NRXN2: variants seen among roughly 807,000 people sequenced by gnomAD.
The protein encoded by NRXN2 is neurexin 2, also known as neurexin-2-beta.
A neutral mutation model predicts 128.8 loss-of-function variants in NRXN2; 29 were observed. That is an observed-to-expected ratio of 0.23 (90% CI 0.17 to 0.31). The LOEUF (loss-of-function observed/expected upper bound fraction) is 0.31, where lower values mean the gene tolerates loss of function less well. Ranked by LOEUF, NRXN2 falls within the 10% of genes least tolerant of loss-of-function variation. The pLI is 1.00. For missense variants in NRXN2, 1,881 were observed against 2,452.6 expected (o/e 0.77, Z 4.92); for synonymous variants, 1,098 against 1,075.2 (o/e 1.02, Z -0.41).
At chr11:64,719,100 C>T (rs571718001) in intron 1 of NRXN2, among the ~76,000 whole-genome samples, 79 of 152,150 alleles carry the variant, frequency 5.2e-4, no homozygotes, top group African/African-American at 1.9e-3. Context: ...CATAGACTAA[C>T]GTGTGAAAAA....
chr11:64,648,679 G>C lies in NRXN2; in HGVS notation c.3283+55C>G. 1 of 1,605,192 alleles carries C rather than the reference G, an allele frequency of 6.2e-7. No homozygotes were observed. Among genetic ancestry groups the C allele is most frequent in the Non-Finnish European group, 8.5e-7 (1 of 1,173,628 alleles). On this transcript the variant is annotated intron_variant, in intron 16 of 22. Coordinates refer to ENST00000265459, the MANE Select transcript of NRXN2 (RefSeq NM_015080.4). This position sits in a 1 kb window ranked among gnomAD's most constrained non-coding sequence, Gnocchi z 4.1. ...CTACCTGCCCCGGTCTGCCTCTGCA[G>C]CTGGCCATCCTGTAGCCAGTAGGGC...
chr11:64,651,947 G>A lies in NRXN2; in HGVS notation c.2536+88C>T. 1 of 1,578,026 alleles carries A rather than the reference G, an allele frequency of 6.3e-7. No individual in the cohort carries two copies. Among genetic ancestry groups the A allele is most frequent in the Non-Finnish European group, 8.6e-7 (1 of 1,159,578 alleles). On this transcript the variant is annotated intron_variant, in intron 13 of 22. Transcript: ENST00000265459. The surrounding 1 kb of genome is among the most constrained non-coding windows in gnomAD (Gnocchi z 5.9). Reference sequence around the variant, plus strand: ...CTTGCCAGAACACTGCCCTAGGAATGGCAGCCCAGGCAGTAGTCACCAAGT... The same window carrying A: ...CTTGCCAGAACACTGCCCTAGGAATAGCAGCCCAGGCAGTAGTCACCAAGT...
At chr11:64,716,634 G>GGTC (rs1280220175) in intron 1 of NRXN2, among the ~76,000 whole-genome samples, 68 of 152,250 alleles carry the variant, frequency 4.5e-4, no homozygotes, top group Non-Finnish European at 7.4e-5. Context: ...CTCCAGGGAG[G>GGTC]GTCGGAAGCA....
At chr11:64,674,038 C>CAAA (rs34895531) in intron 7 of NRXN2, among the ~76,000 whole-genome samples, 2 of 73,216 alleles carry the variant, frequency 2.7e-5, no homozygotes, top group African/African-American at 4.3e-5. Context: ...ACTCTGTCTC[C>CAAA]AAAAAAAAAA....
At chr11:64,678,196 G>A (rs2051639452) in intron 6 of NRXN2, among the ~76,000 whole-genome samples, 1 of 152,000 alleles carries the variant, frequency 6.6e-6, no homozygotes, top group South Asian at 2.1e-4. Context: ...CCACGGACTG[G>A]CAGATGGCTC....
chr11:64,711,805 A>T (rs767194103), intron 2 of NRXN2, among the ~76,000 whole-genome samples: 3 of 152,112 alleles, frequency 2.0e-5, no homozygotes, highest in Admixed American at 2.0e-4. Flanking sequence ...CCTCGTCAAG[A>T]GCCTGAGAAG....
At chr11:64,706,510 T>C (rs990219786) in intron 2 of NRXN2, among the ~76,000 whole-genome samples, 3 of 152,070 alleles carry the variant, frequency 2.0e-5, no homozygotes, top group Non-Finnish European at 4.4e-5. Context: ...ACTCATCTTA[T>C]CCATTTCCCT....
At chr11:64,668,357 A>T in intron 8 of NRXN2, 86 bp downstream of exon 8, 2 of 1,555,074 alleles carry the variant, frequency 1.3e-6, no homozygotes, top group South Asian at 2.3e-5. Flanking sequence ...TGACCCAGAC[A>T]ACTAGCCAGG....
intron 6 of NRXN2, among the ~76,000 whole-genome samples, chr11:64,685,207 C>T (rs1463977146): frequency 6.6e-6 from 1 of 152,176 alleles, no homozygotes; most frequent in Non-Finnish European, 1.5e-5. Flanking sequence ...ACACCCTCAT[C>T]TGCTCCACCA....
chr11:64,677,696 G>A (rs1447768987), intron 6 of NRXN2, among the ~76,000 whole-genome samples: 1 of 152,324 alleles, frequency 6.6e-6, no homozygotes, highest in East Asian at 1.9e-4. Flanking sequence ...GTTAGAGAGT[G>A]GAGGGGAAGG....
intron 17 of NRXN2, among the ~76,000 whole-genome samples, chr11:64,641,161 G>T (rs1295711414): frequency 2.0e-5 from 3 of 152,076 alleles, no homozygotes; most frequent in African/African-American, 4.8e-5. Flanking sequence ...AAGGTGAAGA[G>T]AGAGGGGCAC....
At chr11:64,718,469 G>A (rs2057354335) in intron 1 of NRXN2, among the ~76,000 whole-genome samples, 1 of 152,228 alleles carries the variant, frequency 6.6e-6, no homozygotes, top group Non-Finnish European at 1.5e-5. Flanking sequence ...CCAGAAGGCA[G>A]CCCGTGGACA....
intron 1 of NRXN2, among the ~76,000 whole-genome samples, chr11:64,718,518 C>T (rs1490599027): frequency 6.6e-6 from 1 of 152,158 alleles, no homozygotes; most frequent in Non-Finnish European, 1.5e-5. Flanking sequence ...GATTCTGGCT[C>T]AGGCTAAAGA....
rs188411090 is a variant in NRXN2, at chr11:64,622,891, G to A, written c.4035C>T (p.Ser1345=). ...GHLRLVGEGP[S]VLLSAETTAT... ...CCGTGGTCTCCGCACTGAGCAGCAC[G>A]GACGGCCCCTCCCCCACCAGGCGCA... The change falls in exon 21 of 23, where the codon TCC becomes TCT. Residue 1345 remains serine, a synonymous_variant. Transcript: ENST00000265459. The surrounding 1 kb of genome is among the most constrained non-coding windows in gnomAD (Gnocchi z 4.3). 8.9e-5 allele frequency: 144 copies of A among 1,612,996 alleles called. 1 individual carries two copies. In the South Asian group the frequency reaches 1.3e-3, roughly 15 times the overall value.
chr11:64,617,548 A>G (rs1389875328), intron 22 of NRXN2, among the ~76,000 whole-genome samples: 1 of 152,180 alleles, frequency 6.6e-6, no homozygotes, highest in Non-Finnish European at 1.5e-5. Flanking sequence ...TCTGTGGAGG[A>G]GCCCAGGTTA....
At position 64,635,028 on chromosome 11, in the gene NRXN2, G is replaced by A. The variant is rs751502699; in HGVS notation, c.3585+243C>T. On this transcript the variant is annotated intron_variant, in intron 18 of 22. Transcript: ENST00000265459. The surrounding 1 kb of genome is among the most constrained non-coding windows in gnomAD (Gnocchi z 4.8). ...GAAAACACAGGTGGTCTCAGGGAGT[G>A]GGGAGCTGGAGAAATTCGAATCAGA... Among the ~76,000 whole-genome samples, 8 of 152,178 alleles carry A rather than the reference G, an allele frequency of 5.3e-5. No homozygotes were observed. The highest frequency in any genetic ancestry group is 4.4e-5 in the Non-Finnish European group (3 of 68,020).
At chr11:64,686,683 G>C (rs142018424) in intron 5 of NRXN2, among the ~76,000 whole-genome samples, 1 of 152,176 alleles carries the variant, frequency 6.6e-6, no homozygotes, top group Non-Finnish European at 1.5e-5. Flanking sequence ...CAAGGACGGC[G>C]CAGACAGGCC....
chr11:64,708,683 C>T (rs973853715), intron 2 of NRXN2, among the ~76,000 whole-genome samples: 3 of 152,220 alleles, frequency 2.0e-5, no homozygotes, highest in Admixed American at 6.5e-5. Context: ...AATTCGTATG[C>T]ACACCAAACA....
chr11:64,630,602 C>G lies in NRXN2; in HGVS notation c.3586-29G>C. ...GGGACATGGAGGTGGAGGTCAGCGACCAGAGGGAGCAACCATTCATCCCTT... is the reference window on the plus strand; with the variant it reads ...GGGACATGGAGGTGGAGGTCAGCGAGCAGAGGGAGCAACCATTCATCCCTT... On this transcript the variant is annotated intron_variant, in intron 18 of 22. Coordinates refer to ENST00000265459, the MANE Select transcript of NRXN2 (RefSeq NM_015080.4). The surrounding 1 kb of genome is among the most constrained non-coding windows in gnomAD (Gnocchi z 4.6). 1 of 1,613,068 alleles carries G rather than the reference C, an allele frequency of 6.2e-7. No individual in the cohort carries two copies.
Sources: allele counts gnomAD v4.1 joint callset (sites outside exome capture counted in the v4.1 genomes callset), GRCh38; gene constraint gnomAD v4.1.1; non-coding constraint Gnocchi (gnomAD v3.1); transcripts MANE v1.5; gene names NCBI Gene and HGNC (gene_info 2026-07-23, HGNC 2026-07-21).